FBXW2: variants seen among roughly 807,000 people sequenced by gnomAD.
FBXW2 encodes F-box and WD repeat domain containing 2.
In FBXW2, 12 loss-of-function variants were observed where a neutral mutation model predicts 46.0. That is an observed-to-expected ratio of 0.26 (90% CI 0.17 to 0.42). The LOEUF (loss-of-function observed/expected upper bound fraction) is 0.42. Ranked by LOEUF, FBXW2 falls within the 10% of genes least tolerant of loss-of-function variation. FBXW2 has a pLI of 1.00. For synonymous variants in FBXW2, 203 were observed against 209.6 expected, an observed-to-expected ratio of 0.97 and a Z score of 0.27; for missense variants, 360 against 537.0, an observed-to-expected ratio of 0.67 and a Z score of 3.26.
At position 120,778,400 on chromosome 9, in the gene FBXW2, T is replaced by G; in HGVS notation, c.636A>C (p.Glu212Asp). ...GCTGGGTCCTGGCTCCGGAACTCCATTCCCAGCAAGCCACAGTGTTGTCAA... is the reference window on the plus strand; with the variant it reads ...GCTGGGTCCTGGCTCCGGAACTCCAGTCCCAGCAAGCCACAGTGTTGTCAA... ...GSFDNTVACW[E>D]WSSGARTQHF... Residue 212 changes from glutamate (E) to aspartate (D), a missense_variant, in exon 4 of 8, where the codon GAA (glutamate) becomes GAC (aspartate). Glu to Asp is a conservative substitution (Grantham distance 45). Coordinates refer to ENST00000608872, the MANE Select transcript of FBXW2 (RefSeq NM_012164.4). 2 of 1,528,402 alleles carry G rather than the reference T, an allele frequency of 1.3e-6. No homozygotes were observed. The highest frequency in any genetic ancestry group is 3.6e-4 in the Middle Eastern group (2 of 5,620). 94.7% of individuals were successfully genotyped at this position (1,528,402 alleles called of 1,614,324 possible).
rs1334463421 is a variant in FBXW2, at chr9:120,760,338, A to C, written c.*4221T>G. The C allele has an allele frequency of 6.6e-6, 1 of 152,286 alleles. No individual in the cohort carries two copies. Among genetic ancestry groups the C allele is most frequent in the Non-Finnish European group, 1.5e-5 (1 of 68,116 alleles). 9.4% of individuals were successfully genotyped at this position (152,286 alleles called of 1,614,324 possible). A position where few individuals can be genotyped will look rare whatever the true frequency, so the allele number is the denominator to read the frequency against. ...AGGAAGAGGCACAGAAAGCTATAAA[A>C]GTGATGCTGGGGCCGGGCACAGCAG... On this transcript the variant is annotated 3_prime_UTR_variant, in exon 8 of 8. Coordinates refer to ENST00000608872, the MANE Select transcript of FBXW2 (RefSeq NM_012164.4).
Position 120,776,074 on chromosome 9 carries a change from T to C in FBXW2, c.819+19A>G, listed in dbSNP as rs774536932. 7 of 1,613,012 alleles carry C rather than the reference T, an allele frequency of 4.3e-6. No individual in the cohort carries two copies. The highest frequency in any genetic ancestry group is 5.9e-6 in the Non-Finnish European group (7 of 1,179,512). Reference sequence around the variant, plus strand: ...TCAAAAAGCCTGATAAGCAGGAGACTTCTTCCAAGTCTTCCTACCTTGGTG... The same window carrying C: ...TCAAAAAGCCTGATAAGCAGGAGACCTCTTCCAAGTCTTCCTACCTTGGTG... On this transcript the variant is annotated intron_variant, in intron 5 of 7. Transcript: ENST00000608872.
chr9:120,771,634 C>G, intron 6 of FBXW2, 117 bp from the exon 7 acceptor site: 1 of 841,224 alleles, frequency 1.2e-6, no homozygotes, highest in Non-Finnish European at 1.8e-6. Flanking sequence ...TGGAAAGACC[C>G]CAGGTTTTAT....
chr9:120,765,384 C>T (rs1167529506), intron 7 of FBXW2, among the ~76,000 whole-genome samples: 1 of 152,140 alleles, frequency 6.6e-6, no homozygotes, highest in Non-Finnish European at 1.5e-5. Context: ...CGTGAGCCAC[C>T]GCACCCGGCC....
intron 7 of FBXW2, among the ~76,000 whole-genome samples, chr9:120,766,957 G>A (rs923086845): frequency 6.6e-6 from 1 of 152,212 alleles, no homozygotes; most frequent in African/African-American, 2.4e-5. Context: ...CCCCTTAGAA[G>A]GGGAGGGCAT....
At position 120,760,538 on chromosome 9, in the gene FBXW2, G is replaced by C. The variant is rs886749715; in HGVS notation, c.*4021C>G. On this transcript the variant is annotated 3_prime_UTR_variant, in exon 8 of 8. Transcript: ENST00000608872. ...AGCTACTCAGGAGGCTGAGGCAGGA[G>C]AATCGCTTGAACCCAGGAGGCTGAG... 2.6e-5 allele frequency: 4 copies of C among 152,488 alleles called. No individual in the cohort carries two copies. Among genetic ancestry groups the C allele is most frequent in the Admixed American group, 2.6e-4 (4 of 15,276 alleles). The allele number at this position is 152,488 out of a possible 1,614,324, so 9.4% of individuals were successfully genotyped here.
intron 2 of FBXW2, among the ~76,000 whole-genome samples, chr9:120,790,171 T>C (rs2044805909): frequency 6.6e-6 from 1 of 152,216 alleles, no homozygotes; most frequent in African/African-American, 2.4e-5. Flanking sequence ...AGTTAATTAA[T>C]ACTGGTCAAT....
chr9:120,783,079 T>C (rs2044650338), intron 3 of FBXW2, among the ~76,000 whole-genome samples: 1 of 152,092 alleles, frequency 6.6e-6, no homozygotes, highest in Non-Finnish European at 1.5e-5. Context: ...GTAAATTTTA[T>C]GTTATGTATG....
At chr9:120,770,449 G>T (rs937583546) in intron 7 of FBXW2, among the ~76,000 whole-genome samples, 1 of 152,040 alleles carries the variant, frequency 6.6e-6, no homozygotes, top group Non-Finnish European at 1.5e-5. Flanking sequence ...CATGCTATGG[G>T]ACGCTAACTT....
chr9:120,779,925 G>C (rs994111665), intron 3 of FBXW2, among the ~76,000 whole-genome samples: 1 of 152,120 alleles, frequency 6.6e-6, no homozygotes, highest in African/African-American at 2.4e-5. Context: ...GCCAAGGCAG[G>C]CATATTGCCT....
In FBXW2 at chr9:120,771,386, A is replaced by C. The variant is rs750721616; in HGVS notation, c.1038T>G (p.Gly346=). 31 of 1,613,938 alleles carry C rather than the reference A, an allele frequency of 1.9e-5. No homozygotes were observed. The Admixed American group carries it at 5.2e-4, about 27-fold the overall frequency. ...GKYIVCSSAL[G]LYQWDFASYD... ...AACTGGCAAAGTCCCACTGGTAGAG[A>C]CCAAGTGCTGAACTACAGACAATGT... The change falls in exon 7 of 8, where the codon GGT becomes GGG. Residue 346 remains glycine, a synonymous_variant. Transcript: ENST00000608872.
At chr9:120,778,330 C>T (rs757770000) in intron 4 of FBXW2, 21 bp downstream of exon 4, 1 of 1,603,946 alleles carries the variant, frequency 6.2e-7, no homozygotes, top group African/African-American at 1.3e-5. Context: ...TTGTAAAAAC[C>T]CTTGAAAAAG....
chr9:120,793,185 G>A lies in FBXW2; in HGVS notation c.-57C>T, dbSNP rs901922074. On this transcript the variant is annotated 5_prime_UTR_variant, in exon 2 of 8. Transcript: ENST00000608872. ...CCCCGGGGCCCGGGACCTCGCGCCG[G>A]GTTCACAGCTACTAGGCACGCTCGG... 26 of 572,446 alleles carry A rather than the reference G, an allele frequency of 4.5e-5. No homozygotes were observed. The highest frequency in any genetic ancestry group is 8.0e-5 in the Non-Finnish European group (26 of 323,946). 35.5% of individuals were successfully genotyped at this position (572,446 alleles called of 1,614,324 possible).
In FBXW2 at chr9:120,780,682, T is replaced by A. The variant is rs1295938244; in HGVS notation, c.491-2137A>T. On this transcript the variant is annotated intron_variant, in intron 3 of 7. Transcript: ENST00000608872. ...CATTTTAGGTCCTTTATGAGCTTGG[T>A]TTTGGTTACCAGTGTTCAACTGGGG... 2.0e-5 allele frequency among the ~76,000 whole-genome samples: 3 copies of A among 152,142 alleles called. No homozygotes were observed. The East Asian group carries it at 5.8e-4, about 29-fold the overall frequency.
At position 120,761,059 on chromosome 9, in the gene FBXW2, C is replaced by T. The variant is rs189473963; in HGVS notation, c.*3500G>A. 72 of 152,320 alleles carry T rather than the reference C, an allele frequency of 4.7e-4. No homozygotes were observed. Among genetic ancestry groups the T allele is most frequent in the African/African-American group, 1.7e-3 (69 of 41,580 alleles). 9.4% of individuals were successfully genotyped at this position (152,320 alleles called of 1,614,324 possible). ...TGAACAGCTATCCAATTGCATGCAC[C>T]TTCCTGCAGAACTTCTTCCAAGTCC... On this transcript the variant is annotated 3_prime_UTR_variant, in exon 8 of 8. Coordinates refer to ENST00000608872, the MANE Select transcript of FBXW2 (RefSeq NM_012164.4).
Position 120,761,049 on chromosome 9 carries a change from T to C in FBXW2, c.*3510A>G, listed in dbSNP as rs1263989717. 6.6e-6 allele frequency: 1 copy of C among 152,216 alleles called. No homozygotes were observed. Among genetic ancestry groups the C allele is most frequent in the Non-Finnish European group, 1.5e-5 (1 of 68,036 alleles). The allele number at this position is 152,216 out of a possible 1,614,324, so 9.4% of individuals were successfully genotyped here. A position where few individuals can be genotyped will look rare whatever the true frequency, so the allele number is the denominator to read the frequency against. On this transcript the variant is annotated 3_prime_UTR_variant, in exon 8 of 8. Coordinates refer to ENST00000608872, the MANE Select transcript of FBXW2 (RefSeq NM_012164.4). ...GTTTCACTCATGAACAGCTATCCAA[T>C]TGCATGCACCTTCCTGCAGAACTTC...
At chr9:120,777,717 C>T (rs1330723444) in intron 4 of FBXW2, among the ~76,000 whole-genome samples, 1 of 149,764 alleles carries the variant, frequency 6.7e-6, no homozygotes, top group African/African-American at 2.5e-5. Context: ...CACCCCCGCC[C>T]CCGCCAAAAA....
intron 7 of FBXW2, among the ~76,000 whole-genome samples, chr9:120,769,685 CCT>C (rs770713220): frequency 3.9e-5 from 6 of 152,060 alleles, no homozygotes; most frequent in Non-Finnish European, 5.9e-5. Flanking sequence ...TTTATTTTCC[CCT>C]GTTTTTGGTG....
At chr9:120,778,069 G>A (rs139478454) in intron 4 of FBXW2, among the ~76,000 whole-genome samples, 2 of 151,782 alleles carry the variant, frequency 1.3e-5, no homozygotes, top group African/African-American at 2.4e-5. Flanking sequence ...GAAACAGGAG[G>A]GGGGAGAGAG....
Sources: allele counts gnomAD v4.1 joint callset (sites outside exome capture counted in the v4.1 genomes callset), GRCh38; gene constraint gnomAD v4.1.1; transcripts MANE v1.5; gene names NCBI Gene and HGNC (gene_info 2026-07-23, HGNC 2026-07-21).